ITGB5: variants seen among roughly 807,000 people sequenced by gnomAD.
ITGB5 encodes the protein integrin beta-5.
ITGB5 carries 38 observed loss-of-function variants against 84.8 expected under a neutral mutation model. The ratio of observed to expected loss-of-function variants is 0.45; its 90% confidence interval spans 0.35 to 0.59. The LOEUF is 0.59. Among genes scored for constraint, ITGB5 ranks in the 20% least tolerant of loss-of-function variants. The pLI, the probability that ITGB5 is intolerant of heterozygous loss-of-function variation, is 0.01. For synonymous variants in ITGB5, 393 were observed against 414.4 expected, an observed-to-expected ratio of 0.95 and a Z score of 0.63; for missense variants, 905 against 1,034.5, an observed-to-expected ratio of 0.87 and a Z score of 1.72.
upstream of ITGB5, among the ~76,000 whole-genome samples, chr3:124,892,508 G>A (rs992658923): frequency 6.9e-6 from 1 of 144,462 alleles, no homozygotes; most frequent in Admixed American, 7.0e-5. Flanking sequence ...TGGGCAACAT[G>A]GTGAAATCCC....
intron 3 of ITGB5, among the ~76,000 whole-genome samples, chr3:124,858,395 T>A (rs1355622289): frequency 1.3e-5 from 2 of 152,212 alleles, no homozygotes; most frequent in East Asian, 3.8e-4. Flanking sequence ...GTGGCGTGTT[T>A]CCTGAGCAAC....
At chr3:124,798,780 C>A (rs920378638) in intron 9 of ITGB5, among the ~76,000 whole-genome samples, 1 of 152,204 alleles carries the variant, frequency 6.6e-6, no homozygotes, top group Non-Finnish European at 1.5e-5. Context: ...ACATACAGAT[C>A]CCTATTACTT....
At chr3:124,826,949 G>C (rs948062404) in intron 5 of ITGB5, among the ~76,000 whole-genome samples, 7 of 152,162 alleles carry the variant, frequency 4.6e-5, no homozygotes, top group Admixed American at 1.3e-4. Flanking sequence ...TTCAGGCTTG[G>C]AGGCTTTACA....
intron 5 of ITGB5, among the ~76,000 whole-genome samples, chr3:124,838,001 A>C (rs1288909294): frequency 1.3e-5 from 2 of 152,226 alleles, no homozygotes; most frequent in Non-Finnish European, 2.9e-5. Flanking sequence ...TAATCTGGCC[A>C]GATCAGGAGG....
chr3:124,881,533 G>A (rs190486666), intron 1 of ITGB5, among the ~76,000 whole-genome samples: 1 of 152,228 alleles, frequency 6.6e-6, no homozygotes, highest in East Asian at 1.9e-4. Flanking sequence ...AGGATATACT[G>A]GGTATAAAAG....
chr3:124,883,027 G>C (rs538064940), intron 1 of ITGB5, among the ~76,000 whole-genome samples: 2 of 152,234 alleles, frequency 1.3e-5, no homozygotes, highest in African/African-American at 4.8e-5. Flanking sequence ...CGGAAAGAAG[G>C]AAAACAAACC....
intron 3 of ITGB5, 24 bp downstream of exon 3, chr3:124,859,218 C>T: frequency 6.2e-7 from 1 of 1,607,964 alleles, no homozygotes; most frequent in Non-Finnish European, 8.5e-7. Flanking sequence ...CCAGAGCATC[C>T]AGCCCTTTCT....
chr3:124,830,308 C>G (rs549969461), intron 5 of ITGB5, among the ~76,000 whole-genome samples: 2 of 152,282 alleles, frequency 1.3e-5, no homozygotes, highest in African/African-American at 4.8e-5. Flanking sequence ...TGACTTTCAC[C>G]CATATGGTAA....
intron 5 of ITGB5, among the ~76,000 whole-genome samples, chr3:124,834,195 A>T (rs1182960008): frequency 3.3e-5 from 5 of 151,982 alleles, no homozygotes; most frequent in African/African-American, 1.2e-4. Flanking sequence ...ACAAACCAAG[A>T]GTGAACCCTA....
intron 2 of ITGB5, among the ~76,000 whole-genome samples, chr3:124,864,067 A>AAAGC (rs1236147694): frequency 6.7e-5 from 10 of 148,842 alleles, no homozygotes; most frequent in Non-Finnish European, 1.5e-4. Context: ...AGAAAGAAAG[A>AAAGC]AAGAAAAAAT....
In ITGB5 at chr3:124,768,923, G is replaced by A. The variant is rs763887481; in HGVS notation, c.2017+90C>T. 2.5e-4 allele frequency: 234 copies of A among 950,310 alleles called. 2 individuals carry two copies. The East Asian group carries it at 5.5e-3, about 22-fold the overall frequency. The allele number at this position is 950,310 out of a possible 1,614,324, so 58.9% of individuals were successfully genotyped here. On this transcript the variant is annotated intron_variant, in intron 12 of 14. Coordinates refer to ENST00000296181, the MANE Select transcript of ITGB5 (RefSeq NM_002213.5). The stretch of plus-strand genomic sequence containing the variant: ...GCCCACAGTTATGCCCAGGAAGCCT[G>A]GGCAGTGCCTCCTGACTCAAGGCTA...
At chr3:124,819,079 T>G (rs1190085237) in intron 7 of ITGB5, among the ~76,000 whole-genome samples, 1 of 151,818 alleles carries the variant, frequency 6.6e-6, no homozygotes, top group East Asian at 1.9e-4. Flanking sequence ...ATGTGGGGAG[T>G]TTTTGAAGAT....
At chr3:124,810,843 G>T (rs1163416643) in intron 8 of ITGB5, among the ~76,000 whole-genome samples, 2 of 151,692 alleles carry the variant, frequency 1.3e-5, no homozygotes, top group African/African-American at 4.9e-5. Flanking sequence ...CCCTCCTCGG[G>T]TACACTCTAG....
chr3:124,800,439 G>A (rs2064298824), intron 9 of ITGB5, among the ~76,000 whole-genome samples: 1 of 152,230 alleles, frequency 6.6e-6, no homozygotes, highest in South Asian at 2.1e-4. Flanking sequence ...CACCCCTAAA[G>A]TTCTGGCACT....
At chr3:124,800,903 A>G (rs1252824667) in intron 9 of ITGB5, among the ~76,000 whole-genome samples, 1 of 152,206 alleles carries the variant, frequency 6.6e-6, no homozygotes, top group Non-Finnish European at 1.5e-5. Flanking sequence ...ATTCCAGAGG[A>G]AGGTCACAGA....
intron 13 of ITGB5, among the ~76,000 whole-genome samples, chr3:124,765,123 T>TTA (rs1490002427): frequency 6.6e-6 from 1 of 152,196 alleles, no homozygotes; most frequent in Non-Finnish European, 1.5e-5. Context: ...GGAAGGCACA[T>TTA]TATGTGGTTG....
chr3:124,873,591 C>G (rs1934162197), intron 1 of ITGB5, 60 bp from the exon 2 acceptor site: 1 of 1,253,478 alleles, frequency 8.0e-7, no homozygotes, highest in Non-Finnish European at 1.2e-6. Context: ...ATGGATCAAG[C>G]CTTTGAATAG....
chr3:124,799,117 GGTAGGAAGA>G (rs1222325672), intron 9 of ITGB5, among the ~76,000 whole-genome samples: 4 of 152,128 alleles, frequency 2.6e-5, no homozygotes, highest in African/African-American at 9.7e-5. Context: ...ATCTCTGTGG[GGTAGGAAGA>G]GTAGGAAGAG....
rs761167192 is a variant in ITGB5, at chr3:124,859,435, G to C, written c.168C>G (p.Ser56Arg). ...CACACCGAGAGGTGATGGACCGTGG[G>C]CTTCCGAAGTCCTAGGCAGGGAAAA... ...CAWCSKEDFG[S>R]PRSITSRCDL... The change falls in exon 3 of 15, where the codon AGC becomes AGG. Residue 56 changes from serine (S) to arginine (R), a missense_variant. Around this residue, in one of 3 missense-constraint regions of ITGB5, gnomAD observed 656 missense variants for 734.7 expected, o/e 0.89. Coordinates refer to ENST00000296181, the MANE Select transcript of ITGB5 (RefSeq NM_002213.5). 3.7e-6 allele frequency: 6 copies of C among 1,613,708 alleles called. No individual in the cohort carries two copies. The East Asian group carries it at 8.9e-5, about 24-fold the overall frequency.
Sources: allele counts gnomAD v4.1 joint callset (sites outside exome capture counted in the v4.1 genomes callset), GRCh38; gene constraint gnomAD v4.1.1; regional missense constraint gnomAD v4.1.1; transcripts MANE v1.5; gene names NCBI Gene and HGNC (gene_info 2026-07-23, HGNC 2026-07-21).